The following CPNE5 variants were observed in gnomAD, a reference collection of about 807,000 sequenced individuals.
The protein encoded by CPNE5 is copine-5.
In CPNE5, 42 loss-of-function variants were observed where a neutral mutation model predicts 81.1. The observed-to-expected ratio is 0.52, with a 90% CI of 0.40 to 0.67. The LOEUF (loss-of-function observed/expected upper bound fraction) is 0.67, where lower values mean the gene tolerates loss of function less well. Among genes scored for constraint, CPNE5 ranks in the 30% least tolerant of loss-of-function variants. CPNE5 has a pLI of 0.00. For missense variants in CPNE5, 612 were observed against 815.5 expected, an observed-to-expected ratio of 0.75 and a Z score of 3.04; for synonymous variants, 313 against 321.5, an observed-to-expected ratio of 0.97 and a Z score of 0.28.
chr6:36,745,991 C>T (rs534563864), intron 16 of CPNE5, among the ~76,000 whole-genome samples: 44 of 152,268 alleles, frequency 2.9e-4, no homozygotes, highest in African/African-American at 9.9e-4. Flanking sequence ...CCACAGGGCC[C>T]GGGATGCCCA....
chr6:36,762,054 C>T (rs894217370), intron 12 of CPNE5, among the ~76,000 whole-genome samples: 5 of 151,986 alleles, frequency 3.3e-5, no homozygotes, highest in African/African-American at 1.2e-4. Flanking sequence ...GAGCTCAAGA[C>T]CAGCCTGGGA....
At chr6:36,821,084 G>T (rs1270872637) in intron 3 of CPNE5, among the ~76,000 whole-genome samples, 1 of 152,008 alleles carries the variant, frequency 6.6e-6, no homozygotes, top group Non-Finnish European at 1.5e-5. Context: ...CCTCCACAGG[G>T]TGACATCTGA....
In CPNE5 at chr6:36,745,080, C is replaced by G. The variant is rs1357017034; in HGVS notation, c.1399G>C (p.Asp467His). ...LLIITDGVISDMAQTKEAIVN... is the reference protein window; with the variant it reads ...LLIITDGVISHMAQTKEAIVN... The stretch of plus-strand genomic sequence containing the variant: ...ATGGCCTCCTTGGTCTGCGCCATGT[C>G]CGAGATGACCCCATCAGTAATGATG... Residue 467 changes from aspartate to histidine, a missense_variant, in exon 18 of 21, where the codon GAC (aspartate) becomes CAC (histidine). Asp to His is a moderately conservative substitution (Grantham distance 81). Transcript: ENST00000244751. 6.2e-7 allele frequency: 1 copy of G among 1,614,120 alleles called. No individual in the cohort carries two copies. The highest frequency in any genetic ancestry group is 8.5e-7 in the Non-Finnish European group (1 of 1,179,962).
chr6:36,827,691 G>C, intron 1 of CPNE5: 1 of 985,374 alleles, frequency 1.0e-6, no homozygotes, highest in Non-Finnish European at 1.2e-6. Flanking sequence ...CCAGGCCCAG[G>C]GGCAATGAGT....
intron 12 of CPNE5, among the ~76,000 whole-genome samples, chr6:36,760,281 A>G (rs370155452): frequency 1.3e-5 from 2 of 151,338 alleles, no homozygotes; most frequent in African/African-American, 4.9e-5. Flanking sequence ...CAGCATCCCA[A>G]ATGAAAGAGC....
chr6:36,766,073 G>T lies in CPNE5; in HGVS notation c.738-697C>A, dbSNP rs1213342906. 6.6e-6 allele frequency among the ~76,000 whole-genome samples: 1 copy of T among 152,160 alleles called. No homozygotes were observed. The highest frequency in any genetic ancestry group is 6.5e-5 in the Admixed American group (1 of 15,288). On this transcript the variant is annotated intron_variant, in intron 10 of 20. Coordinates refer to ENST00000244751, the MANE Select transcript of CPNE5 (RefSeq NM_020939.2). The surrounding 1 kb of genome is among the most constrained non-coding windows in gnomAD (Gnocchi z 4.2). ...CAGAGCTGGGAGGAGGGAGGTGGAG[G>T]GTTGCGGTTAACCCTTGGTGCCAGC...
At chr6:36,776,408 C>CCT (rs1355836613) in intron 9 of CPNE5, among the ~76,000 whole-genome samples, 2 of 152,310 alleles carry the variant, frequency 1.3e-5, no homozygotes, top group East Asian at 3.9e-4. Context: ...ATGTGGGAGA[C>CCT]CTCCCCACAC....
rs778544460 is a variant in CPNE5, at chr6:36,827,858, A to C, written c.96-4760T>G. ...GAGAGCACAAAGAGAAATTTTTTTT[A>C]GCAGGAAAAACGTATTTTTTTTTTT... is the stretch of plus-strand genomic sequence containing the variant. On this transcript the variant is annotated intron_variant, in intron 1 of 20. Transcript: ENST00000244751. 1.0e-5 allele frequency: 6 copies of C among 597,786 alleles called. No homozygotes were observed. The South Asian group carries it at 4.8e-4, about 48-fold the overall frequency. 37.0% of individuals were successfully genotyped at this position (597,786 alleles called of 1,614,324 possible).
chr6:36,785,955 G>T (rs1434994653), intron 8 of CPNE5, among the ~76,000 whole-genome samples: 1 of 140,558 alleles, frequency 7.1e-6, no homozygotes, highest in Non-Finnish European at 1.5e-5. Context: ...GGAGGTTGTA[G>T]TCAGCCGAGA....
rs894684850 is a variant in CPNE5, at chr6:36,778,795, G to A, written c.632+59C>T. 1.7e-5 allele frequency: 20 copies of A among 1,202,994 alleles called. No individual in the cohort carries two copies. The East Asian group carries it at 3.6e-4, about 21-fold the overall frequency. The allele number at this position is 1,202,994 out of a possible 1,614,324, so 74.5% of individuals were successfully genotyped here. A position where few individuals can be genotyped will look rare whatever the true frequency, so the allele number is the denominator to read the frequency against. On this transcript the variant is annotated intron_variant, in intron 9 of 20. Transcript: ENST00000244751. The stretch of plus-strand genomic sequence containing the variant: ...CCTGGCAAGTCACCACCACCCGTCC[G>A]TCCTTGACCCCAGAAGGGACGAGAA...
intron 4 of CPNE5, 75 bp downstream of exon 4, chr6:36,799,892 C>A: frequency 9.1e-7 from 1 of 1,099,272 alleles, no homozygotes; most frequent in South Asian, 1.3e-5. Context: ...CTTCCTCAAC[C>A]ACAGGTCTGT....
At chr6:36,774,898 C>G (rs1336081561) in intron 10 of CPNE5, 63 bp downstream of exon 10, 1 of 1,279,966 alleles carries the variant, frequency 7.8e-7, no homozygotes, top group African/African-American at 1.5e-5. Context: ...GGGCCACCCT[C>G]ACTTGTGCTT....
In CPNE5 at chr6:36,819,844, T is replaced by C. The variant is rs201917602; in HGVS notation, c.183+2270A>G. ...TCCCAGGAGTCAGTGGAGATGGGCA[T>C]GGGATGAGGCTGCCAAGGCCAACAG... On this transcript the variant is annotated intron_variant, in intron 3 of 20. Transcript: ENST00000244751. Among the ~76,000 whole-genome samples the C allele has an allele frequency of 2.6e-5, 4 of 152,160 alleles. No homozygotes were observed. In the East Asian group the frequency reaches 7.7e-4, roughly 29 times the overall value.
At chr6:36,761,790 A>C (rs9380597) in intron 12 of CPNE5, among the ~76,000 whole-genome samples, 114,619 of 152,040 alleles carry the variant, frequency 0.75, 43,349 homozygotes, top group East Asian at 0.8. Context: ...GGATACGAAC[A>C]CAAGCAGTTA....
intron 6 of CPNE5, among the ~76,000 whole-genome samples, chr6:36,796,062 C>T (rs1427956085): frequency 6.6e-6 from 1 of 152,192 alleles, no homozygotes; most frequent in Non-Finnish European, 1.5e-5. Context: ...GATTCTCCTG[C>T]CTCAGCCTCC....
chr6:36,773,072 G>T (rs894738619), intron 10 of CPNE5, among the ~76,000 whole-genome samples: 16 of 151,622 alleles, frequency 1.1e-4, no homozygotes, highest in African/African-American at 3.9e-4. Flanking sequence ...TTGTAAAGAT[G>T]GGGGTCTCAC....
At chr6:36,832,510 TC>T (rs1773053379) in intron 1 of CPNE5, among the ~76,000 whole-genome samples, 1 of 152,210 alleles carries the variant, frequency 6.6e-6, no homozygotes, top group South Asian at 2.1e-4. Context: ...ATGCCTAGCT[TC>T]CTGTCTTTGG....
chr6:36,806,899 G>T (rs760386057), intron 3 of CPNE5, among the ~76,000 whole-genome samples: 5 of 152,228 alleles, frequency 3.3e-5, no homozygotes, highest in African/African-American at 4.8e-5. Flanking sequence ...GGGGCTCTCA[G>T]GGGCCATGGC....
chr6:36,772,328 ACTCACTGCTCCAACCAGCCCGTCCT>A (rs1051310886), intron 10 of CPNE5, among the ~76,000 whole-genome samples: 17 of 151,418 alleles, frequency 1.1e-4, no homozygotes, highest in African/African-American at 3.4e-4. Flanking sequence ...CTTCTTTAGA[ACTCACTGCTCCAACCAGCCCGTCCT>A]CTCACTGCTC....
Sources: gnomAD v4.1 joint callset for allele counts (sites outside exome capture counted in the v4.1 genomes callset) on GRCh38, gnomAD v4.1.1 for gene constraint, Gnocchi (gnomAD v3.1) non-coding constraint, MANE v1.5 for transcripts, NCBI Gene and HGNC (gene_info 2026-07-23, HGNC 2026-07-21) for gene names.